UBAC2: variants seen among roughly 807,000 people sequenced by gnomAD.
The protein encoded by UBAC2 is UBA domain containing 2.
In UBAC2, 26 loss-of-function variants were observed where a neutral mutation model predicts 44.0. The observed-to-expected ratio is 0.59, with a 90% CI of 0.43 to 0.82. The LOEUF (loss-of-function observed/expected upper bound fraction) is 0.82. UBAC2 is among the 40% of genes least tolerant of loss of function. UBAC2 has a pLI of 0.00. For missense variants in UBAC2, 329 were observed against 419.4 expected (o/e 0.78, Z 1.88); for synonymous variants, 155 against 154.3 (o/e 1.00, Z -0.04).
At position 99,295,477 on chromosome 13, in the gene UBAC2, G is replaced by A. The variant is rs1304963912; in HGVS notation, c.390-18620G>A. ...GTGGGTTTTGTTTGGCAGTTCTGAA[G>A]AGTTTGCAGCAGATCTGAGAATAGC... On this transcript the variant is annotated intron_variant, in intron 4 of 8. Transcript: ENST00000403766. The surrounding 1 kb of genome is among the most constrained non-coding windows in gnomAD (Gnocchi z 4.1). 5 of 1,613,970 alleles carry A rather than the reference G, an allele frequency of 3.1e-6. No homozygotes were observed. The highest frequency in any genetic ancestry group is 4.5e-5 in the East Asian group (2 of 44,874).
intron 6 of UBAC2, among the ~76,000 whole-genome samples, chr13:99,325,115 T>C (rs76657225): frequency 6.8e-6 from 1 of 147,244 alleles, no homozygotes; most frequent in African/African-American, 2.5e-5. Flanking sequence ...TTTTTTTTTT[T>C]TTTTTGATAC....
chr13:99,343,691 T>G (rs767928570), intron 7 of UBAC2, among the ~76,000 whole-genome samples: 10 of 152,164 alleles, frequency 6.6e-5, no homozygotes, highest in Non-Finnish European at 1.2e-4. Context: ...TCTTCTAGGG[T>G]CCGCACATGG....
intron 7 of UBAC2, among the ~76,000 whole-genome samples, chr13:99,366,497 G>T (rs1329888195): frequency 1.3e-5 from 2 of 152,070 alleles, no homozygotes; most frequent in East Asian, 3.8e-4. Flanking sequence ...CTTTTTTGAT[G>T]GGTTCTGAGA....
chr13:99,375,649 G>A (rs1202232278), intron 8 of UBAC2, among the ~76,000 whole-genome samples: 1 of 152,164 alleles, frequency 6.6e-6, no homozygotes, highest in African/African-American at 2.4e-5. Flanking sequence ...ACTCTAGTTT[G>A]AATAAACCAA....
chr13:99,237,265 T>TACACACACACACACAC (rs778879715), intron 1 of UBAC2, among the ~76,000 whole-genome samples: 1 of 113,976 alleles, frequency 8.8e-6, no homozygotes, highest in South Asian at 2.7e-4. Context: ...TATATATATA[T>TACACACACACACACAC]ATATATACAC....
At chr13:99,242,770 C>A (rs9557182) in intron 2 of UBAC2, among the ~76,000 whole-genome samples, 2 of 23,938 alleles carry the variant, frequency 8.4e-5, no homozygotes, top group Non-Finnish European at 2.0e-4. Flanking sequence ...GGCTGCCGGG[C>A]GGAGACGCTC....
intron 1 of UBAC2, among the ~76,000 whole-genome samples, chr13:99,208,443 G>T (rs2042900776): frequency 6.6e-6 from 1 of 152,178 alleles, no homozygotes; most frequent in Non-Finnish European, 1.5e-5. Flanking sequence ...GGTCTCCTAG[G>T]TTCTCAGGAT....
intron 8 of UBAC2, among the ~76,000 whole-genome samples, chr13:99,380,414 CAGTAATTGTT>C (rs1445214778): frequency 3.3e-5 from 5 of 152,148 alleles, no homozygotes; most frequent in Non-Finnish European, 7.4e-5. Context: ...AGAGCCACAG[CAGTAATTGTT>C]AGTGTCCACC....
intron 1 of UBAC2, among the ~76,000 whole-genome samples, chr13:99,221,419 T>C (rs1225898040): frequency 6.6e-6 from 1 of 152,248 alleles, no homozygotes; most frequent in Non-Finnish European, 1.5e-5. Flanking sequence ...GTTTGAACCG[T>C]GGCACTATAT....
At chr13:99,292,342 C>T (rs2044101690) in intron 4 of UBAC2, among the ~76,000 whole-genome samples, 1 of 151,684 alleles carries the variant, frequency 6.6e-6, no homozygotes, top group Non-Finnish European at 1.5e-5. Flanking sequence ...CCGGGTTTCA[C>T]CATGTTAGCC....
intron 4 of UBAC2, chr13:99,294,942 A>G (rs938244623): frequency 7.7e-5 from 91 of 1,174,224 alleles, no homozygotes; most frequent in Non-Finnish European, 9.6e-5. Flanking sequence ...AAAGTGCCCA[A>G]TGAAAGAAAT....
Position 99,238,531 on chromosome 13 carries a change from C to A in UBAC2, c.136C>A (p.His46Asn). 1 of 1,611,762 alleles carries A rather than the reference C, an allele frequency of 6.2e-7. No individual in the cohort carries two copies. The change falls in exon 2 of 9, where the codon CAC (histidine) becomes AAC (asparagine). Residue 46 changes from histidine (H) to asparagine (N), a missense_variant. Physicochemically the swap from His to Asn is moderately conservative, Grantham distance 68. Transcript: ENST00000403766. ...CCAGAAGCTCTTTGTGTATGACCTT[C>A]ACGCAGTCAAGAACGACTTCCAGGT... is the stretch of plus-strand genomic sequence containing the variant. The part of the protein sequence containing the change: ...HCQKLFVYDL[H>N]AVKNDFQIWR...
At chr13:99,224,826 C>G (rs1384806877) in intron 1 of UBAC2, among the ~76,000 whole-genome samples, 1 of 152,166 alleles carries the variant, frequency 6.6e-6, no homozygotes, top group Non-Finnish European at 1.5e-5. Flanking sequence ...TTAATAATAA[C>G]TATTTAAAGG....
intron 6 of UBAC2, among the ~76,000 whole-genome samples, chr13:99,338,561 A>G (rs1301469486): frequency 1.3e-5 from 2 of 152,146 alleles, no homozygotes; most frequent in Non-Finnish European, 2.9e-5. Flanking sequence ...TAAGCTTTCT[A>G]TTTTGTTAGC....
chr13:99,233,754 A>G (rs1381838173), intron 1 of UBAC2, among the ~76,000 whole-genome samples: 2 of 152,192 alleles, frequency 1.3e-5, no homozygotes, highest in Non-Finnish European at 2.9e-5. Flanking sequence ...TATCAAAATT[A>G]TCATTATGTA....
intron 8 of UBAC2, among the ~76,000 whole-genome samples, chr13:99,380,720 A>C (rs1379337392): frequency 6.6e-6 from 1 of 152,212 alleles, no homozygotes; most frequent in Non-Finnish European, 1.5e-5. Context: ...AGTTTTGGAC[A>C]CTATGGGAAA....
chr13:99,303,019 T>TG (rs5806107), intron 4 of UBAC2, among the ~76,000 whole-genome samples: 152,183 of 152,188 alleles, frequency 1, 76,089 homozygotes, highest in Middle Eastern at 1. Flanking sequence ...CCCTGCCTCC[T>TG]GGGGGCTTGC....
At chr13:99,236,514 A>G (rs1210448935) in intron 1 of UBAC2, among the ~76,000 whole-genome samples, 1 of 152,238 alleles carries the variant, frequency 6.6e-6, no homozygotes, top group Non-Finnish European at 1.5e-5. Flanking sequence ...ACAATGAGAT[A>G]CTTCACCCGA....
At chr13:99,258,470 A>G (rs543924530) in intron 4 of UBAC2, 113 of 152,302 alleles carry the variant, frequency 7.4e-4, no homozygotes, top group African/African-American at 2.6e-3. Context: ...TGATTTGTTT[A>G]TGAAGTCACA....
Sources: gnomAD v4.1 joint callset for allele counts (sites outside exome capture counted in the v4.1 genomes callset) on GRCh38, gnomAD v4.1.1 for gene constraint, Gnocchi (gnomAD v3.1) non-coding constraint, MANE v1.5 for transcripts, NCBI Gene and HGNC (gene_info 2026-07-23, HGNC 2026-07-21) for gene names.